PSD3: variants seen among roughly 807,000 people sequenced by gnomAD.
PSD3 encodes the protein PH and SEC7 domain-containing protein 3.
PSD3 carries 49 observed loss-of-function variants against 105.5 expected under a neutral mutation model. That is an observed-to-expected ratio of 0.46 (90% CI 0.37 to 0.59). The LOEUF is 0.59. Ranked by LOEUF, PSD3 falls within the 20% of genes least tolerant of loss-of-function variation. PSD3 has a pLI of 0.00. For synonymous variants in PSD3, 557 were observed against 457.8 expected (o/e 1.22, Z -2.77); for missense variants, 1,561 against 1,263.8 (o/e 1.24, Z -3.57).
At chr8:19,027,613 G>A (rs540707152) in intron 1 of PSD3, among the ~76,000 whole-genome samples, 1 of 152,306 alleles carries the variant, frequency 6.6e-6, no homozygotes, top group Non-Finnish European at 1.5e-5. Flanking sequence ...CCCTGTGGAT[G>A]CTGAGATCAG....
At chr8:18,659,873 G>A (rs559182728) in intron 9 of PSD3, among the ~76,000 whole-genome samples, 1 of 152,290 alleles carries the variant, frequency 6.6e-6, no homozygotes, top group East Asian at 1.9e-4. Context: ...TATGTGAGGG[G>A]TTATCTGGCC....
intron 15 of PSD3, among the ~76,000 whole-genome samples, chr8:18,543,723 C>T (rs956726591): frequency 3.3e-5 from 5 of 151,968 alleles, no homozygotes; most frequent in African/African-American, 9.7e-5. Context: ...TAAAAATTAT[C>T]GTGTCTAAGA....
At chr8:18,933,286 G>A (rs923665473) in intron 2 of PSD3, among the ~76,000 whole-genome samples, 2 of 151,978 alleles carry the variant, frequency 1.3e-5, no homozygotes, top group East Asian at 1.9e-4. Context: ...AAACCCACGA[G>A]TAAGGAAGAA....
At position 18,705,072 on chromosome 8, in the gene PSD3, AC is replaced by A. The variant is rs752266129; in HGVS notation, c.2173-49388del. On this transcript the variant is annotated intron_variant, in intron 9 of 15. Transcript: ENST00000327040. ...AACTGGCCCAGAAATAGTATGGAACACCCTTCCTAGATGACAATTTATTGTA... is the reference window on the plus strand; with the variant it reads ...AACTGGCCCAGAAATAGTATGGAACACCTTCCTAGATGACAATTTATTGTA... 3.3e-5 allele frequency among the ~76,000 whole-genome samples: 5 copies of A among 152,162 alleles called. No individual in the cohort carries two copies. The South Asian group carries it at 6.2e-4, about 19-fold the overall frequency.
At chr8:18,683,953 AG>A in intron 9 of PSD3, 1 of 753,776 alleles carries the variant, frequency 1.3e-6, no homozygotes, top group East Asian at 2.4e-5. Context: ...CAACTAAGGA[AG>A]GGGTTTAGAG....
At chr8:18,687,773 C>A (rs1399461479) in intron 9 of PSD3, among the ~76,000 whole-genome samples, 1 of 151,838 alleles carries the variant, frequency 6.6e-6, no homozygotes, top group Non-Finnish European at 1.5e-5. Flanking sequence ...TATATTTTTG[C>A]TATTTTTTTT....
intron 1 of PSD3, among the ~76,000 whole-genome samples, chr8:19,074,686 T>C (rs1829403620): frequency 7.3e-6 from 1 of 137,878 alleles, no homozygotes; most frequent in East Asian, 2.2e-4. Flanking sequence ...AGTGACGCGA[T>C]CGCAGCTCAC....
chr8:18,544,563 A>C (rs769156602), intron 15 of PSD3, among the ~76,000 whole-genome samples: 5 of 152,156 alleles, frequency 3.3e-5, no homozygotes, highest in Non-Finnish European at 7.4e-5. Flanking sequence ...GGAAATCCAA[A>C]GAAAGTGTGA....
At chr8:19,012,119 GCTAGGTGTC>G (rs1214168793) in intron 1 of PSD3, among the ~76,000 whole-genome samples, 1 of 152,184 alleles carries the variant, frequency 6.6e-6, no homozygotes, top group East Asian at 1.9e-4. Context: ...AAGCCTCTAA[GCTAGGTGTC>G]CTACCTACAG....
intron 2 of PSD3, among the ~76,000 whole-genome samples, chr8:18,900,774 A>AGACT (rs1819455190): frequency 1.3e-5 from 2 of 151,060 alleles, no homozygotes; most frequent in South Asian, 4.2e-4. Context: ...CAAGTAGCTG[A>AGACT]GACTACAGGT....
chr8:18,573,991 G>A (rs1252319186), intron 13 of PSD3, among the ~76,000 whole-genome samples: 1 of 152,092 alleles, frequency 6.6e-6, no homozygotes, highest in African/African-American at 2.4e-5. Context: ...CTGAGAGGAG[G>A]TGAAAATCAT....
At chr8:18,883,282 C>G (rs1282627743) in intron 2 of PSD3, among the ~76,000 whole-genome samples, 2 of 152,112 alleles carry the variant, frequency 1.3e-5, no homozygotes, top group African/African-American at 4.8e-5. Flanking sequence ...ACTCAGAGGT[C>G]CAACTGTTCA....
chr8:18,765,832 G>T (rs1039250781), intron 8 of PSD3, among the ~76,000 whole-genome samples: 3 of 152,000 alleles, frequency 2.0e-5, no homozygotes, highest in Non-Finnish European at 4.4e-5. Flanking sequence ...GTTTGGCATG[G>T]TGGCATGCAC....
chr8:18,706,330 AT>A (rs1481805614), intron 9 of PSD3, among the ~76,000 whole-genome samples: 2 of 152,104 alleles, frequency 1.3e-5, no homozygotes, highest in Non-Finnish European at 2.9e-5. Flanking sequence ...TTATGGAAGA[AT>A]TTTTTCTCGT....
chr8:18,549,313 C>T (rs560363347), intron 15 of PSD3, among the ~76,000 whole-genome samples: 3 of 151,878 alleles, frequency 2.0e-5, no homozygotes, highest in East Asian at 3.9e-4. Context: ...TCCCAAGTAG[C>T]TGGGATTACA....
At chr8:18,809,571 T>C (rs1045086457) in intron 4 of PSD3, among the ~76,000 whole-genome samples, 1 of 152,222 alleles carries the variant, frequency 6.6e-6, no homozygotes, top group African/African-American at 2.4e-5. Context: ...GCACAGGACA[T>C]ACTTATACAA....
intron 11 of PSD3, among the ~76,000 whole-genome samples, chr8:18,622,904 T>C (rs1336539595): frequency 4.6e-5 from 7 of 152,234 alleles, no homozygotes; most frequent in African/African-American, 1.7e-4. Context: ...AGTTGCACAA[T>C]ATTTATATTT....
At position 18,533,377 on chromosome 8, in the gene PSD3, C is replaced by G. The variant is rs1342789891; in HGVS notation, c.*2366G>C. 2 of 152,188 alleles carry G rather than the reference C, an allele frequency of 1.3e-5. No individual in the cohort carries two copies. The highest frequency in any genetic ancestry group is 2.9e-5 in the Non-Finnish European group (2 of 68,048). 9.4% of individuals were successfully genotyped at this position (152,188 alleles called of 1,614,324 possible). On this transcript the variant is annotated 3_prime_UTR_variant, in exon 16 of 16. Transcript: ENST00000327040. ...AGATAAACTATGCAAACATGGTATACTGAAGCTTCAAAAGAGCCCTTCGTA... is the reference window on the plus strand; with the variant it reads ...AGATAAACTATGCAAACATGGTATAGTGAAGCTTCAAAAGAGCCCTTCGTA...
chr8:18,609,149 T>C (rs146712380), intron 11 of PSD3, among the ~76,000 whole-genome samples: 94 of 146,116 alleles, frequency 6.4e-4, no homozygotes, highest in African/African-American at 2.2e-3. Flanking sequence ...CTCCCATTGT[T>C]CCATGTAAAA....
Sources: gnomAD v4.1 joint callset for allele counts (sites outside exome capture counted in the v4.1 genomes callset) on GRCh38, gnomAD v4.1.1 for gene constraint, MANE v1.5 for transcripts, NCBI Gene and HGNC (gene_info 2026-07-23, HGNC 2026-07-21) for gene names.